The following MACROD2 variants were observed in gnomAD, a reference collection of about 807,000 sequenced individuals.
MACROD2 encodes the protein ADP-ribose glycohydrolase MACROD2.
Under a neutral mutation model 70.4 loss-of-function variants are expected in MACROD2, and 36 were observed. That is an observed-to-expected ratio of 0.51 (90% CI 0.39 to 0.68). The LOEUF (loss-of-function observed/expected upper bound fraction) is 0.68, where lower values mean the gene tolerates loss of function less well. Ranked by LOEUF, MACROD2 falls within the 30% of genes least tolerant of loss-of-function variation. The pLI, the probability that MACROD2 is intolerant of heterozygous loss-of-function variation, is 0.00. For missense variants in MACROD2, 496 were observed against 538.4 expected (o/e 0.92, Z 0.78); for synonymous variants, 172 against 178.8 (o/e 0.96, Z 0.30).
At chr20:15,773,910 T>C (rs565825059) in intron 8 of MACROD2, among the ~76,000 whole-genome samples, 1 of 152,272 alleles carries the variant, frequency 6.6e-6, no homozygotes, top group South Asian at 2.1e-4. Flanking sequence ...TCCCAATATT[T>C]TGCTGCTGTT....
intron 8 of MACROD2, among the ~76,000 whole-genome samples, chr20:15,744,198 TA>T (rs1198013199): frequency 1.3e-5 from 2 of 152,206 alleles, no homozygotes; most frequent in African/African-American, 4.8e-5. Context: ...AATGCAATTT[TA>T]AAGATTAAAA....
intron 10 of MACROD2, among the ~76,000 whole-genome samples, chr20:15,910,152 T>A (rs1257440987): frequency 1.3e-5 from 2 of 152,246 alleles, no homozygotes; most frequent in East Asian, 3.8e-4. Flanking sequence ...TTCTGTTTCC[T>A]GTTTAAAGTC....
chr20:15,072,427 A>G (rs898431439), intron 5 of MACROD2, among the ~76,000 whole-genome samples: 2 of 152,230 alleles, frequency 1.3e-5, no homozygotes, highest in African/African-American at 2.4e-5. Context: ...GATGGCAAGA[A>G]TAAGAATATT....
At chr20:15,345,093 T>C (rs985221623) in intron 6 of MACROD2, among the ~76,000 whole-genome samples, 2 of 146,626 alleles carry the variant, frequency 1.4e-5, no homozygotes, top group South Asian at 4.4e-4. Flanking sequence ...GGGGTCTCTT[T>C]TATAAGAACA....
chr20:15,401,621 A>G (rs973622345), intron 6 of MACROD2, among the ~76,000 whole-genome samples: 2 of 152,218 alleles, frequency 1.3e-5, no homozygotes, highest in African/African-American at 4.8e-5. Flanking sequence ...AATGGTATCT[A>G]TGTCATAGGG....
In MACROD2 at chr20:14,858,606, CT is replaced by C. The variant is rs199891678; in HGVS notation, c.418+173649del. 5.9e-3 allele frequency among the ~76,000 whole-genome samples: 892 copies of C among 152,232 alleles called. 9 individuals are homozygous for C. Among genetic ancestry groups the C allele is most frequent in the African/African-American group, 0.019 (809 of 41,544 alleles). Reference sequence around the variant, plus strand: ...TAACATCCAGACTATAAGATTTTGACTTCTACCTACCCAAAGCACTTGGGTC... The same window carrying C: ...TAACATCCAGACTATAAGATTTTGACTCTACCTACCCAAAGCACTTGGGTC... On this transcript the variant is annotated intron_variant, in intron 5 of 17. Transcript: ENST00000684519.
Position 15,994,085 on chromosome 20 carries a change from A to G in MACROD2, c.1153+6927A>G, listed in dbSNP as rs184745262. ...CTGCCCTTTTTTTAACCTGTTTACCACCTCACTTATTTGTTATTGTTCACT... is the reference window on the plus strand; with the variant it reads ...CTGCCCTTTTTTTAACCTGTTTACCGCCTCACTTATTTGTTATTGTTCACT... On this transcript the variant is annotated intron_variant, in intron 15 of 17. Transcript: ENST00000684519. Among the ~76,000 whole-genome samples the G allele has an allele frequency of 2.0e-5, 3 of 152,230 alleles. No homozygotes were observed. In the East Asian group the frequency reaches 5.8e-4, roughly 29 times the overall value.
intron 7 of MACROD2, among the ~76,000 whole-genome samples, chr20:15,454,094 A>G (rs2046682203): frequency 6.6e-6 from 1 of 152,160 alleles, no homozygotes; most frequent in African/African-American, 2.4e-5. Flanking sequence ...GCCAATTGTC[A>G]ATAGAGGCTG....
intron 8 of MACROD2, among the ~76,000 whole-genome samples, chr20:15,635,053 C>A (rs2049343457): frequency 6.6e-6 from 1 of 152,168 alleles, no homozygotes; most frequent in South Asian, 2.1e-4. Context: ...AGTTTTATGT[C>A]CCTGTACTAA....
intron 3 of MACROD2, among the ~76,000 whole-genome samples, chr20:14,243,213 C>G (rs2081943390): frequency 6.6e-6 from 1 of 152,152 alleles, no homozygotes; most frequent in African/African-American, 2.4e-5. Flanking sequence ...TAAAATTTGT[C>G]AGCTTTTGTG....
At chr20:15,497,178 A>G (rs2047308866) in intron 7 of MACROD2, among the ~76,000 whole-genome samples, 1 of 152,190 alleles carries the variant, frequency 6.6e-6, no homozygotes, top group Non-Finnish European at 1.5e-5. Context: ...GCTGAAGTGT[A>G]TTAAAGGGAA....
chr20:14,811,961 C>T lies in MACROD2; in HGVS notation c.418+127002C>T, dbSNP rs138165958. 1.5e-4 allele frequency among the ~76,000 whole-genome samples: 23 copies of T among 152,170 alleles called. No individual in the cohort carries two copies. The East Asian group carries it at 1.7e-3, about 12-fold the overall frequency. On this transcript the variant is annotated intron_variant, in intron 5 of 17. Transcript: ENST00000684519. ...TGGAGAGGACGTGGAGACATAGGAA[C>T]GCTTTACACTGTTCGTGGGAGTGTA...
At chr20:14,159,613 A>G (rs11906013) in intron 3 of MACROD2, among the ~76,000 whole-genome samples, 84 of 152,186 alleles carry the variant, frequency 5.5e-4, no homozygotes, top group African/African-American at 1.9e-3. Flanking sequence ...CAGGTCTAAG[A>G]GTTTTTTTGG....
At chr20:14,857,776 A>T (rs957603881) in intron 5 of MACROD2, among the ~76,000 whole-genome samples, 2 of 150,656 alleles carry the variant, frequency 1.3e-5, no homozygotes, top group Non-Finnish European at 2.9e-5. Context: ...ACCTTTGTGG[A>T]GTTATTTAGT....
At position 14,447,976 on chromosome 20, in the gene MACROD2, ATG is replaced by A. The variant is rs11087090; in HGVS notation, c.272-45473_272-45472del. ...GAAGAGCACTTGAGAACCCATGAAA[ATG>A]TGTGTGTGTGTGTGTGTGTGTGTGT... On this transcript the variant is annotated intron_variant, in intron 3 of 17. Transcript: ENST00000684519. Among the ~76,000 whole-genome samples, 740 of 143,234 alleles carry A rather than the reference ATG, an allele frequency of 5.2e-3. 8 individuals carry two copies. Among genetic ancestry groups the A allele is most frequent in the East Asian group, 0.017 (78 of 4,720 alleles). 94.0% of individuals were successfully genotyped at this position (143,234 alleles called of 152,430 possible).
chr20:14,275,721 C>T (rs1027634898), intron 3 of MACROD2, among the ~76,000 whole-genome samples: 1 of 152,174 alleles, frequency 6.6e-6, no homozygotes, highest in African/African-American at 2.4e-5. Context: ...AAAATTTTCA[C>T]AACCTACTCA....
intron 8 of MACROD2, among the ~76,000 whole-genome samples, chr20:15,810,001 C>T (rs1018962938): frequency 1.3e-5 from 2 of 148,742 alleles, no homozygotes; most frequent in African/African-American, 5.0e-5. Context: ...TCTCCTAATG[C>T]TGTCCCTCCC....
intron 3 of MACROD2, among the ~76,000 whole-genome samples, chr20:14,221,297 G>A (rs2081671563): frequency 6.6e-6 from 1 of 152,108 alleles, no homozygotes; most frequent in Non-Finnish European, 1.5e-5. Flanking sequence ...ATTGTTCCCA[G>A]CTTAAGTTTT....
intron 8 of MACROD2, among the ~76,000 whole-genome samples, chr20:15,710,352 A>T (rs1477786647): frequency 6.6e-6 from 1 of 152,228 alleles, no homozygotes; most frequent in Non-Finnish European, 1.5e-5. Context: ...TCCTAAAATG[A>T]CAACAGCAAG....
Sources: gnomAD v4.1 joint callset for allele counts (sites outside exome capture counted in the v4.1 genomes callset) on GRCh38, gnomAD v4.1.1 for gene constraint, MANE v1.5 for transcripts, NCBI Gene and HGNC (gene_info 2026-07-23, HGNC 2026-07-21) for gene names.